CDK6: variants seen among roughly 807,000 people sequenced by gnomAD.
CDK6 encodes cyclin-dependent kinase 6.
CDK6 carries 6 observed loss-of-function variants against 37.1 expected under a neutral mutation model. That is an observed-to-expected ratio of 0.16 (90% confidence interval 0.09 to 0.32). The LOEUF (loss-of-function observed/expected upper bound fraction) is 0.32. CDK6 is among the 10% of genes least tolerant of loss of function. The probability of loss-of-function intolerance (pLI) is 1.00; values close to 1 mark genes in which losing one functional copy is unlikely to be tolerated. For synonymous variants in CDK6, 160 were observed against 161.3 expected (o/e 0.99, Z 0.06); for missense variants, 224 against 418.9 (o/e 0.53, Z 4.06).
chr7:92,670,101 T>G (rs1046660578), intron 5 of CDK6, among the ~76,000 whole-genome samples: 1 of 152,226 alleles, frequency 6.6e-6, no homozygotes, highest in Non-Finnish European at 1.5e-5. Context: ...ACTTGCAAGC[T>G]TCCTTTGGAC....
At chr7:92,793,795 C>T (rs1400479396) in intron 2 of CDK6, among the ~76,000 whole-genome samples, 1 of 151,664 alleles carries the variant, frequency 6.6e-6, no homozygotes, top group African/African-American at 2.4e-5. Context: ...AAGAAATGGC[C>T]AGAGTAGGCA....
intron 4 of CDK6, among the ~76,000 whole-genome samples, chr7:92,714,451 C>T (rs755748580): frequency 7.9e-5 from 12 of 152,170 alleles, no homozygotes; most frequent in Non-Finnish European, 1.3e-4. Flanking sequence ...TGCTGCATTC[C>T]GGAGCTCAGA....
chr7:92,757,807 C>T (rs1799352886), intron 3 of CDK6, among the ~76,000 whole-genome samples: 2 of 152,164 alleles, frequency 1.3e-5, no homozygotes, highest in South Asian at 4.1e-4. Context: ...TACAACCTTG[C>T]CAGCATCTGC....
At position 92,774,730 on chromosome 7, in the gene CDK6, A is replaced by G; in HGVS notation, c.335T>C (p.Val112Ala). ...DQDLTTYLDK[V>A]PEPGVPTETI... The stretch of plus-strand genomic sequence containing the variant: ...TTCAGTGGGCACTCCAGGCTCTGGA[A>G]CTTTATCCAAGTAAGTGGTCAAGTC... The change falls in exon 3 of 8, where the codon GTT becomes GCT. Residue 112 changes from valine to alanine, a missense_variant. Physicochemically the swap from Val to Ala is moderately conservative, Grantham distance 64. Around this residue, in one of 5 missense-constraint regions of CDK6, gnomAD observed 82 missense variants for 202.1 expected, o/e 0.41. Transcript: ENST00000424848. 1.2e-6 allele frequency: 2 copies of G among 1,610,340 alleles called. No individual in the cohort carries two copies. Among genetic ancestry groups the G allele is most frequent in the Non-Finnish European group, 1.7e-6 (2 of 1,178,716 alleles).
At chr7:92,727,684 T>G (rs1182889250) in intron 3 of CDK6, among the ~76,000 whole-genome samples, 1 of 152,160 alleles carries the variant, frequency 6.6e-6, no homozygotes, top group Non-Finnish European at 1.5e-5. Flanking sequence ...TGCAGTGATC[T>G]AGAATCATTT....
intron 4 of CDK6, among the ~76,000 whole-genome samples, chr7:92,715,391 CTAAAGTAAA>C (rs1385540150): frequency 6.6e-6 from 1 of 152,156 alleles, no homozygotes. Context: ...ATGAGCAGCG[CTAAAGTAAA>C]TTCTCCTACG....
At chr7:92,722,203 C>G (rs1467893551) in intron 4 of CDK6, among the ~76,000 whole-genome samples, 1 of 152,030 alleles carries the variant, frequency 6.6e-6, no homozygotes, top group Non-Finnish European at 1.5e-5. Context: ...TAAAAGTTGT[C>G]TAGTAATTCA....
rs1435531354 is a variant in CDK6 at position 92,834,311 on chromosome 7, T to G, written c.-367-621A>C. ...TGCTTCCTTTCTTTCTACTTTCAGTTTTTCTACGAGGAGACATTTAAAAAC... is the reference window on the plus strand; with the variant it reads ...TGCTTCCTTTCTTTCTACTTTCAGTGTTTCTACGAGGAGACATTTAAAAAC... On this transcript the variant is annotated intron_variant, in intron 1 of 7. Transcript: ENST00000424848. The surrounding 1 kb of genome is among the most constrained non-coding windows in gnomAD (Gnocchi z 4.6). 6.6e-6 allele frequency among the ~76,000 whole-genome samples: 1 copy of G among 152,050 alleles called. No individual in the cohort carries two copies. The highest frequency in any genetic ancestry group is 1.5e-5 in the Non-Finnish European group (1 of 68,008).
In CDK6 at chr7:92,622,379, G is replaced by T. The variant is rs988497921; in HGVS notation, c.698+657C>A. 1.1e-4 allele frequency among the ~76,000 whole-genome samples: 17 copies of T among 152,222 alleles called. No homozygotes were observed. The East Asian group carries it at 2.9e-3, about 26-fold the overall frequency. ...GTTTCATTTCTCAGATGAAGTTAAG[G>T]AAATAAAAGGTTAAATAATTAATGA... is the stretch of plus-strand genomic sequence containing the variant. On this transcript the variant is annotated intron_variant, in intron 6 of 7. Coordinates refer to ENST00000424848, the MANE Select transcript of CDK6 (RefSeq NM_001145306.2).
intron 3 of CDK6, among the ~76,000 whole-genome samples, chr7:92,727,169 C>T (rs930724754): frequency 6.6e-6 from 1 of 152,094 alleles, no homozygotes; most frequent in African/African-American, 2.4e-5. Flanking sequence ...ACTCCCCTGA[C>T]CCAAATATTA....
intron 2 of CDK6, among the ~76,000 whole-genome samples, chr7:92,781,146 C>G (rs558479847): frequency 1.1e-3 from 167 of 152,288 alleles, no homozygotes; most frequent in Non-Finnish European, 1.9e-3. Context: ...TAAGGCTATG[C>G]CTTCAGTTTA....
chr7:92,727,202 G>A (rs1363301710), intron 3 of CDK6, among the ~76,000 whole-genome samples: 1 of 152,186 alleles, frequency 6.6e-6, no homozygotes, highest in East Asian at 1.9e-4. Flanking sequence ...ATACAAGGGA[G>A]GATGGAGCTG....
chr7:92,744,240 C>CATTAA (rs1377795239), intron 3 of CDK6, among the ~76,000 whole-genome samples: 1 of 152,158 alleles, frequency 6.6e-6, no homozygotes, highest in East Asian at 1.9e-4. Context: ...CTCACAGCTC[C>CATTAA]ACATGGCTGG....
At chr7:92,691,477 T>C (rs1356117948) in intron 4 of CDK6, among the ~76,000 whole-genome samples, 1 of 152,226 alleles carries the variant, frequency 6.6e-6, no homozygotes, top group African/African-American at 2.4e-5. Flanking sequence ...AATTTCTTAA[T>C]TATCAAATCA....
chr7:92,668,404 A>C (rs1797004785), intron 5 of CDK6, among the ~76,000 whole-genome samples: 1 of 152,126 alleles, frequency 6.6e-6, no homozygotes, highest in South Asian at 2.1e-4. Context: ...GCTAAATAAA[A>C]AAGTAAACTG....
chr7:92,833,656 C>T lies in CDK6; in HGVS notation c.-333G>A, dbSNP rs182202706. On this transcript the variant is annotated 5_prime_UTR_variant, in exon 2 of 8. Coordinates refer to ENST00000424848, the MANE Select transcript of CDK6 (RefSeq NM_001145306.2). The surrounding 1 kb of genome is among the most constrained non-coding windows in gnomAD (Gnocchi z 6.1). The stretch of plus-strand genomic sequence containing the variant: ...CAACACAGACACGATTACATAGCCT[C>T]TGCCCAAGCGCGTCTCAGTCCAGAA... 5.4e-4 allele frequency: 263 copies of T among 488,362 alleles called. No homozygotes were observed. Among genetic ancestry groups the T allele is most frequent in the African/African-American group, 4.6e-3 (228 of 49,100 alleles). The allele number at this position is 488,362 out of a possible 1,614,324, so 30.3% of individuals were successfully genotyped here.
chr7:92,643,535 G>C (rs1352525761), intron 5 of CDK6, among the ~76,000 whole-genome samples: 1 of 152,190 alleles, frequency 6.6e-6, no homozygotes, highest in East Asian at 1.9e-4. Flanking sequence ...AAGATATGCT[G>C]GTGGAGAATA....
chr7:92,718,233 G>A (rs1016621148), intron 4 of CDK6, among the ~76,000 whole-genome samples: 1 of 152,212 alleles, frequency 6.6e-6, no homozygotes, highest in Admixed American at 6.5e-5. Context: ...GCAAGATGTT[G>A]AGAGGGGAAG....
intron 5 of CDK6, among the ~76,000 whole-genome samples, chr7:92,630,689 G>T (rs1320170730): frequency 6.6e-6 from 1 of 152,118 alleles, no homozygotes; most frequent in African/African-American, 2.4e-5. Context: ...ACACTCCGGG[G>T]AATACTGTCT....
Sources: allele counts gnomAD v4.1 joint callset (sites outside exome capture counted in the v4.1 genomes callset), GRCh38; gene constraint gnomAD v4.1.1; regional missense constraint gnomAD v4.1.1; non-coding constraint Gnocchi (gnomAD v3.1); transcripts MANE v1.5; gene names NCBI Gene and HGNC (gene_info 2026-07-23, HGNC 2026-07-21).